Variants in DPH6 observed in about 807,000 individuals in gnomAD.
The protein encoded by DPH6 is diphthamine biosynthesis 6.
Under a neutral mutation model 38.2 loss-of-function variants are expected in DPH6, and 33 were observed. The ratio of observed to expected loss-of-function variants is 0.86; its 90% confidence interval spans 0.65 to 1.15. The LOEUF (loss-of-function observed/expected upper bound fraction) is 1.15. DPH6 is among the 50% of genes most tolerant of loss of function. DPH6 has a pLI of 0.00. For missense variants in DPH6, 325 were observed against 320.0 expected, an observed-to-expected ratio of 1.02 and a Z score of -0.12; for synonymous variants, 108 against 103.0, an observed-to-expected ratio of 1.05 and a Z score of -0.30.
intron 3 of DPH6, among the ~76,000 whole-genome samples, chr15:35,323,848 C>T (rs2052260708): frequency 6.6e-6 from 1 of 152,162 alleles, no homozygotes; most frequent in Non-Finnish European, 1.5e-5. Context: ...AATTTTATAA[C>T]ATATGACAAA....
chr15:35,413,628 T>C (rs937266809), intron 5 of DPH6, among the ~76,000 whole-genome samples: 6 of 151,592 alleles, frequency 4.0e-5, no homozygotes, highest in Non-Finnish European at 8.9e-5. Flanking sequence ...CTTTCTTATA[T>C]ATATTTTCCA....
chr15:35,401,445 G>T (rs569550876), intron 6 of DPH6: 15 of 774,778 alleles, frequency 1.9e-5, no homozygotes, highest in South Asian at 1.1e-4. Flanking sequence ...GAGGAAGCAG[G>T]GGCTATGGAA....
At chr15:35,362,023 C>A (rs1294974581) in intron 3 of DPH6, among the ~76,000 whole-genome samples, 1 of 151,948 alleles carries the variant, frequency 6.6e-6, no homozygotes, top group African/African-American at 2.4e-5. Context: ...TTATTTGTTA[C>A]ATTTTTTGCA....
Position 35,237,214 on chromosome 15 carries a change from TG to T in DPH6, n.201-16633del, listed in dbSNP as rs1421418622. 18 of 904,722 alleles carry T rather than the reference TG, an allele frequency of 2.0e-5. No homozygotes were observed. In the African/African-American group the frequency reaches 2.1e-4, roughly 11 times the overall value. 56.0% of individuals were successfully genotyped at this position (904,722 alleles called of 1,614,324 possible). A position where few individuals can be genotyped will look rare whatever the true frequency, so the allele number is the denominator to read the frequency against. ...TGAGGTTAGCGTGTGCCGGGGGTGC[TG>T]GGGGCTCGAGAACTGAGCGGAGCTG... On this transcript the variant is annotated intron_variant and non_coding_transcript_variant, in intron 3 of 3. Transcript: ENST00000560386.
the DPH6 span, among the ~76,000 whole-genome samples, chr15:35,188,101 C>G: frequency 5.6e-3 from 854 of 152,320 alleles, 6 homozygotes; most frequent in African/African-American, 0.019. Context: ...AGGTGATGGT[C>G]AGGCAGCTGT....
rs866148719 is a variant in DPH6, at chr15:35,347,457, C to T, written n.208-16380G>A. Among the ~76,000 whole-genome samples the T allele has an allele frequency of 8.5e-5, 12 of 140,460 alleles. No homozygotes were observed. The South Asian group carries it at 2.0e-3, about 24-fold the overall frequency. The allele number at this position is 140,460 out of a possible 152,430, so 92.1% of individuals were successfully genotyped here. ...GTGAGCCACCACACCCAGCCTCCTC[C>T]TTTTTTTTTTTTTTTATGAAGACTG... On this transcript the variant is annotated intron_variant and non_coding_transcript_variant, in intron 3 of 3. Transcript: ENST00000558973.
At chr15:35,417,195 C>T (rs923805003) in intron 5 of DPH6, among the ~76,000 whole-genome samples, 2 of 151,848 alleles carry the variant, frequency 1.3e-5, no homozygotes, top group Non-Finnish European at 2.9e-5. Context: ...GTATGTACAG[C>T]GCTTATAATA....
chr15:35,245,261 T>C (rs1215786529), intron 3 of DPH6, among the ~76,000 whole-genome samples: 1 of 119,966 alleles, frequency 8.3e-6, no homozygotes, highest in Non-Finnish European at 1.7e-5. Flanking sequence ...TTTTTTGAGA[T>C]GGAGTCTTGC....
chr15:35,387,870 C>G (rs1282942055), intron 6 of DPH6, among the ~76,000 whole-genome samples: 1 of 152,074 alleles, frequency 6.6e-6, no homozygotes, highest in East Asian at 1.9e-4. Flanking sequence ...CCAGAACTTC[C>G]AACATTATGT....
intron 3 of DPH6, among the ~76,000 whole-genome samples, chr15:35,488,303 G>A (rs1484562055): frequency 6.6e-6 from 1 of 152,112 alleles, no homozygotes; most frequent in African/African-American, 2.4e-5. Context: ...TTCTAGCAGT[G>A]CCCCAAACTC....
At chr15:35,236,221 A>G (rs1299264829) in intron 3 of DPH6, among the ~76,000 whole-genome samples, 1 of 152,268 alleles carries the variant, frequency 6.6e-6, no homozygotes, top group Non-Finnish European at 1.5e-5. Context: ...AAAAGTAAGA[A>G]GCATCAAACT....
intron 3 of DPH6, among the ~76,000 whole-genome samples, chr15:35,515,972 T>A (rs2054841233): frequency 6.6e-6 from 1 of 152,142 alleles, no homozygotes; most frequent in African/African-American, 2.4e-5. Context: ...AAGAAGTTTT[T>A]AATAGGTGGT....
Position 35,483,740 on chromosome 15 carries a change from A to C in DPH6, c.313-28920T>G, listed in dbSNP as rs141970724. The stretch of plus-strand genomic sequence containing the variant: ...ACATGTCCACATAACTTATATGTGA[A>C]CATTCACAGCAGCATTACACATACT... On this transcript the variant is annotated intron_variant, in intron 3 of 8. Coordinates refer to ENST00000256538, the MANE Select transcript of DPH6 (RefSeq NM_080650.4). Among the ~76,000 whole-genome samples the C allele has an allele frequency of 9.2e-4, 140 of 152,364 alleles. 1 individual carries two copies. The highest frequency in any genetic ancestry group is 3.3e-3 in the African/African-American group (138 of 41,598).
At position 35,383,997 on chromosome 15, in the gene DPH6, T is replaced by C. The variant is rs75751715; in HGVS notation, c.568-2081A>G. Among the ~76,000 whole-genome samples, 143 of 152,364 alleles carry C rather than the reference T, an allele frequency of 9.4e-4. 2 individuals carry two copies. In the East Asian group the frequency reaches 0.026, roughly 28 times the overall value. On this transcript the variant is annotated intron_variant, in intron 6 of 8. Transcript: ENST00000256538. Reference sequence around the variant, plus strand: ...TTTAGGTATGTGAAGCATCCAGATGTGCACATTCTAGACACTTATTTATGG... The same window carrying C: ...TTTAGGTATGTGAAGCATCCAGATGCGCACATTCTAGACACTTATTTATGG...
chr15:35,358,959 C>T (rs1442395357), intron 3 of DPH6, among the ~76,000 whole-genome samples: 3 of 151,974 alleles, frequency 2.0e-5, no homozygotes, highest in Non-Finnish European at 4.4e-5. Context: ...GATTATATAC[C>T]CTTTGTCTTC....
At chr15:35,408,129 C>T (rs555985210) in intron 6 of DPH6, among the ~76,000 whole-genome samples, 7 of 151,840 alleles carry the variant, frequency 4.6e-5, no homozygotes, top group African/African-American at 1.2e-4. Context: ...AGAATATATT[C>T]GGAAATACAG....
intron 3 of DPH6, among the ~76,000 whole-genome samples, chr15:35,480,816 C>T (rs1483376535): frequency 2.0e-5 from 3 of 151,730 alleles, no homozygotes; most frequent in Non-Finnish European, 4.4e-5. Context: ...ACTGAGTAAC[C>T]AGATAATAGG....
chr15:35,535,709 A>G (rs554878867), intron 3 of DPH6, among the ~76,000 whole-genome samples: 1 of 152,310 alleles, frequency 6.6e-6, no homozygotes, highest in African/African-American at 2.4e-5. Context: ...CTAAAGAATA[A>G]AAGATTAGCC....
At chr15:35,368,515 G>A (rs1290533292), downstream of DPH6, among the ~76,000 whole-genome samples, 1 of 151,968 alleles carries the variant, frequency 6.6e-6, no homozygotes, top group Non-Finnish European at 1.5e-5. Context: ...ACTGACTATA[G>A]AGAATATGAA....
Sources: gnomAD v4.1 joint callset for allele counts (sites outside exome capture counted in the v4.1 genomes callset) on GRCh38, gnomAD v4.1.1 for gene constraint, MANE v1.5 for transcripts, NCBI Gene and HGNC (gene_info 2026-07-23, HGNC 2026-07-21) for gene names.